The following FNDC3B variants were observed in gnomAD, a reference collection of about 807,000 sequenced individuals.
FNDC3B encodes fibronectin type III domain containing 3B.
A neutral mutation model predicts 151.5 loss-of-function variants in FNDC3B; 12 were observed. The ratio of observed to expected loss-of-function variants is 0.08; its 90% confidence interval spans 0.05 to 0.13. The LOEUF (loss-of-function observed/expected upper bound fraction) is 0.13. Ranked by LOEUF, FNDC3B falls within the 10% of genes least tolerant of loss-of-function variation. The pLI, the probability that FNDC3B is intolerant of heterozygous loss-of-function variation, is 1.00. For synonymous variants in FNDC3B, 528 were observed against 549.0 expected (o/e 0.96, Z 0.54); for missense variants, 1,214 against 1,505.3 (o/e 0.81, Z 3.20).
intron 3 of FNDC3B, among the ~76,000 whole-genome samples, chr3:172,171,618 TG>T (rs71178260): frequency 0.4 from 50,275 of 126,302 alleles, 9,585 homozygotes; most frequent in Middle Eastern, 0.51. Context: ...TTTTTTTTTT[TG>T]GAAAGTGCAG....
intron 3 of FNDC3B, among the ~76,000 whole-genome samples, chr3:172,192,480 T>C (rs768385052): frequency 2.7e-4 from 41 of 152,050 alleles, no homozygotes; most frequent in Admixed American, 2.2e-3. Context: ...CCACCGCGCC[T>C]GGCTGGTATG....
chr3:172,239,775 CAA>C (rs200097298), intron 4 of FNDC3B, among the ~76,000 whole-genome samples: 32 of 70,130 alleles, frequency 4.6e-4, no homozygotes, highest in East Asian at 9.3e-4. Context: ...TTAGCTAAGA[CAA>C]AAAAAAAAAA....
intron 23 of FNDC3B, among the ~76,000 whole-genome samples, chr3:172,376,151 G>T (rs1444887269): frequency 6.6e-6 from 1 of 152,104 alleles, no homozygotes; most frequent in African/African-American, 2.4e-5. Context: ...TCCAGTACAA[G>T]AGCAAAACAA....
chr3:172,307,755 A>C (rs1731269427), intron 10 of FNDC3B, among the ~76,000 whole-genome samples: 1 of 152,170 alleles, frequency 6.6e-6, no homozygotes, highest in South Asian at 2.1e-4. Context: ...GTCTTGTGAT[A>C]TGTTTGGTTT....
rs1370054719 is a variant in FNDC3B, at chr3:172,392,807, TTTC to T, written c.3304-4354_3304-4352del. Among the ~76,000 whole-genome samples, 51 of 64,420 alleles carry T rather than the reference TTTC, an allele frequency of 7.9e-4. 2 individuals are homozygous for T. The highest frequency in any genetic ancestry group is 2.9e-3 in the East Asian group (6 of 2,080). The allele number at this position is 64,420 out of a possible 152,430, so 42.3% of individuals were successfully genotyped here. A position where few individuals can be genotyped will look rare whatever the true frequency, so the allele number is the denominator to read the frequency against. On this transcript the variant is annotated intron_variant, in intron 25 of 25. Transcript: ENST00000415807. Reference sequence around the variant, plus strand: ...ACTGAATGAATTTTTTCTTTTTTTTTTTCTTTTTTTTTTTTCAGACAGAGAGTA... The same window carrying T: ...ACTGAATGAATTTTTTCTTTTTTTTTTTTTTTTTTTTTCAGACAGAGAGTA...
intron 1 of FNDC3B, among the ~76,000 whole-genome samples, chr3:172,084,472 T>C (rs58013509): frequency 0.057 from 8,185 of 143,544 alleles, 398 homozygotes; most frequent in East Asian, 0.19. Flanking sequence ...TGTATATGTA[T>C]ACACACACAC....
At chr3:172,075,751 ACACACACAC>A (rs1717978570) in intron 1 of FNDC3B, among the ~76,000 whole-genome samples, 1 of 151,620 alleles carries the variant, frequency 6.6e-6, no homozygotes, top group Non-Finnish European at 1.5e-5. Flanking sequence ...ACACACACAC[ACACACACAC>A]ACACACAAAC....
intron 11 of FNDC3B, among the ~76,000 whole-genome samples, chr3:172,319,058 C>T (rs909996934): frequency 1.3e-5 from 2 of 152,212 alleles, no homozygotes; most frequent in African/African-American, 4.8e-5. Flanking sequence ...TACCATTTCT[C>T]GCATGTGTAC....
chr3:172,314,854 G>A (rs1348537423), intron 11 of FNDC3B, among the ~76,000 whole-genome samples: 1 of 152,146 alleles, frequency 6.6e-6, no homozygotes, highest in Non-Finnish European at 1.5e-5. Context: ...AAACAGAAAC[G>A]CATTACAGTA....
chr3:172,186,970 T>C lies in FNDC3B; in HGVS notation c.188-39901T>C, dbSNP rs1358555201. The C allele has an allele frequency of 4.3e-5, 20 of 468,016 alleles. No homozygotes were observed. The Admixed American group carries it at 7.6e-4, about 18-fold the overall frequency. 29.0% of individuals were successfully genotyped at this position (468,016 alleles called of 1,614,324 possible). On this transcript the variant is annotated intron_variant, in intron 3 of 25. Transcript: ENST00000415807. ...TACTAGCTAAAAGCAAGGAACTATA[T>C]TATTAACAATCTTGGCTTTACTGTA... is the stretch of plus-strand genomic sequence containing the variant.
intron 1 of FNDC3B, among the ~76,000 whole-genome samples, chr3:172,103,469 G>C (rs1164779927): frequency 6.6e-6 from 1 of 151,590 alleles, no homozygotes; most frequent in African/African-American, 2.4e-5. Context: ...CATTAGATTT[G>C]AGTTCAGACA....
chr3:172,053,866 C>T (rs1365185923), intron 1 of FNDC3B, among the ~76,000 whole-genome samples: 1 of 151,512 alleles, frequency 6.6e-6, no homozygotes, highest in Non-Finnish European at 1.5e-5. Context: ...TCTGTAGTAG[C>T]AACTTAAGCT....
intron 6 of FNDC3B, among the ~76,000 whole-genome samples, chr3:172,283,496 C>G (rs749670080): frequency 3.9e-5 from 6 of 152,136 alleles, no homozygotes. Flanking sequence ...CATCCCTGTT[C>G]TAAACTTTTA....
In FNDC3B at chr3:172,353,020, G is replaced by A; in HGVS notation, c.2732G>A (p.Ser911Asn). The A allele has an allele frequency of 1.9e-6, 3 of 1,614,102 alleles. No homozygotes were observed. The highest frequency in any genetic ancestry group is 1.7e-6 in the Non-Finnish European group (2 of 1,180,012). The stretch of plus-strand genomic sequence containing the variant: ...TACACCATTGATCTAGGAGACACTA[G>A]CATTACCGTGGGCAACACCACCATG... Reference protein sequence around the residue: ...LAYTIDLGDTSITVGNTTMHV... With the variant: ...LAYTIDLGDTNITVGNTTMHV... Residue 911 changes from serine (S) to asparagine (N), a missense_variant, in exon 22 of 26, where the codon AGC (serine) becomes AAC (asparagine). Ser to Asn is a conservative substitution (Grantham distance 46, BLOSUM62 1). Around this residue, in one of 7 missense-constraint regions of FNDC3B, gnomAD observed 284 missense variants for 392.4 expected, o/e 0.72. Transcript: ENST00000415807.
chr3:172,111,817 T>C (rs1163334561), intron 1 of FNDC3B, among the ~76,000 whole-genome samples: 1 of 152,222 alleles, frequency 6.6e-6, no homozygotes. Context: ...GAATTTGAAA[T>C]TTTGGGGACT....
In FNDC3B at chr3:172,345,716, T is replaced by A. The variant is rs181497261; in HGVS notation, c.2251-611T>A. 1.6e-3 allele frequency among the ~76,000 whole-genome samples: 240 copies of A among 152,312 alleles called. 2 individuals are homozygous for A. The highest frequency in any genetic ancestry group is 2.6e-3 in the Non-Finnish European group (180 of 68,028). ...CCACCATTAAAATGGGTGGTTCAGG[T>A]GGCTGTGACTCTCTCAAAGTGTGGT... On this transcript the variant is annotated intron_variant, in intron 19 of 25. Transcript: ENST00000415807.
At chr3:172,099,673 A>G (rs533446502) in intron 1 of FNDC3B, among the ~76,000 whole-genome samples, 5 of 152,210 alleles carry the variant, frequency 3.3e-5, no homozygotes, top group Non-Finnish European at 1.5e-5. Flanking sequence ...TTCTGCTCTC[A>G]TGATTTACCA....
rs143496818 is a variant in FNDC3B, at chr3:172,269,671, G to T, written c.791-16255G>T. On this transcript the variant is annotated intron_variant, in intron 6 of 25. Transcript: ENST00000415807. ...TTTTGTTTTGTTTTTTGGAGAGAGG[G>T]TCTCACTCTGTCGCCCAGGCTGGAG... Among the ~76,000 whole-genome samples, 1,264 of 151,996 alleles carry T rather than the reference G, an allele frequency of 8.3e-3. 20 individuals are homozygous for T. Among genetic ancestry groups the T allele is most frequent in the African/African-American group, 0.028 (1,181 of 41,440 alleles).
At position 172,295,450 on chromosome 3, in the gene FNDC3B, C is replaced by A. The variant is rs555695775; in HGVS notation, c.937C>A (p.Pro313Thr). The A allele has an allele frequency of 2.7e-4, 437 of 1,614,044 alleles. 3 individuals carry two copies. The South Asian group carries it at 4.5e-3, about 17-fold the overall frequency. ...SCGPHSGLSF[P>T]YSYEVALSDK... ...TGGACCCCACAGTGGTCTTTCCTTC[C>A]CCTACAGTTACGAGGTGGCCTTATC... Residue 313 changes from proline to threonine, a missense_variant, in exon 8 of 26, where the codon CCC (proline) becomes ACC (threonine). By Grantham distance (38) the Pro-to-Thr change is conservative. This residue lies in a region of FNDC3B where 156 missense variants were observed against 225.3 expected (regional missense o/e 0.69). Transcript: ENST00000415807.
Sources: gnomAD v4.1 joint callset for allele counts (sites outside exome capture counted in the v4.1 genomes callset) on GRCh38, gnomAD v4.1.1 for gene constraint, gnomAD v4.1.1 regional missense constraint, MANE v1.5 for transcripts, NCBI Gene and HGNC (gene_info 2026-07-23, HGNC 2026-07-21) for gene names.